CTNNA3: variants seen among roughly 807,000 people sequenced by gnomAD.
The protein encoded by CTNNA3 is catenin alpha-3.
In CTNNA3, 76 loss-of-function variants were observed where a neutral mutation model predicts 95.7. The observed-to-expected ratio is 0.79, with a 90% CI of 0.66 to 0.96. CTNNA3 has a LOEUF of 0.96. Ranked by LOEUF, CTNNA3 falls within the 40% of genes least tolerant of loss-of-function variation. The probability of loss-of-function intolerance (pLI) is 0.00; values close to 1 mark genes in which losing one functional copy is unlikely to be tolerated. For missense variants in CTNNA3, 1,191 were observed against 1,089.8 expected (o/e 1.09, Z -1.31); for synonymous variants, 431 against 374.4 (o/e 1.15, Z -1.74).
intron 9 of CTNNA3, among the ~76,000 whole-genome samples, chr10:66,654,748 TAC>T (rs1846019511): frequency 6.6e-6 from 1 of 152,120 alleles, no homozygotes; most frequent in South Asian, 2.1e-4. Context: ...ATATGGCATA[TAC>T]ACACAATAAA....
At position 66,251,829 on chromosome 10, in the gene CTNNA3, G is replaced by C. The variant is rs548342474; in HGVS notation, c.1884+28641C>G. ...TGCCAGGGTTCCAAGAGCTTAACTT[G>C]CATTGGAGCATTTAATCCTCAGTGG... On this transcript the variant is annotated intron_variant, in intron 13 of 17. Transcript: ENST00000433211. 4.6e-5 allele frequency among the ~76,000 whole-genome samples: 7 copies of C among 152,206 alleles called. No homozygotes were observed. The South Asian group carries it at 1.5e-3, about 32-fold the overall frequency.
At chr10:66,025,855 A>G (rs2133441641) in intron 15 of CTNNA3, among the ~76,000 whole-genome samples, 1 of 152,324 alleles carries the variant, frequency 6.6e-6, no homozygotes, top group East Asian at 1.9e-4. Flanking sequence ...GTGATAGATT[A>G]GTGAATTAGC....
chr10:66,260,262 A>G (rs757696216), intron 13 of CTNNA3, among the ~76,000 whole-genome samples: 61 of 152,274 alleles, frequency 4.0e-4, no homozygotes, highest in Middle Eastern at 6.8e-3. Context: ...GGCTCATTCA[A>G]ATTCCATGGA....
chr10:66,440,894 T>C (rs1248126340), intron 11 of CTNNA3, among the ~76,000 whole-genome samples: 2 of 152,212 alleles, frequency 1.3e-5, no homozygotes, highest in African/African-American at 2.4e-5. Flanking sequence ...TGTCTGTTTC[T>C]CTAAGTAGAT....
At chr10:66,264,148 A>G (rs2091087074) in intron 13 of CTNNA3, among the ~76,000 whole-genome samples, 1 of 152,032 alleles carries the variant, frequency 6.6e-6, no homozygotes, top group African/African-American at 2.4e-5. Context: ...CTGATATAAT[A>G]TAACTATGAA....
intron 3 of CTNNA3, among the ~76,000 whole-genome samples, chr10:67,575,755 T>C (rs1842121995): frequency 1.3e-5 from 2 of 152,208 alleles, no homozygotes; most frequent in African/African-American, 2.4e-5. Context: ...TTTTCATCTG[T>C]CAACACCCTT....
chr10:66,719,472 T>C (rs1385141344), intron 9 of CTNNA3, among the ~76,000 whole-genome samples: 2 of 152,170 alleles, frequency 1.3e-5, no homozygotes, highest in East Asian at 3.9e-4. Context: ...GCAAACAATT[T>C]TAGTATCAGC....
chr10:66,071,115 T>G (rs1166654430), intron 14 of CTNNA3, among the ~76,000 whole-genome samples: 3 of 152,176 alleles, frequency 2.0e-5, no homozygotes, highest in Non-Finnish European at 2.9e-5. Context: ...AAGAGAATAC[T>G]TGATGTTTGG....
intron 11 of CTNNA3, among the ~76,000 whole-genome samples, chr10:66,449,074 G>T (rs1564974899): frequency 6.6e-6 from 1 of 151,820 alleles, no homozygotes; most frequent in African/African-American, 2.4e-5. Flanking sequence ...ACACCCATTG[G>T]AGTAATTATA....
intron 4 of CTNNA3, among the ~76,000 whole-genome samples, chr10:67,523,048 A>G (rs1840032427): frequency 6.6e-6 from 1 of 152,152 alleles, no homozygotes; most frequent in Admixed American, 6.5e-5. Context: ...GACCCTTACT[A>G]TATCAAACTC....
chr10:67,653,912 A>G (rs1455238954), intron 1 of CTNNA3, among the ~76,000 whole-genome samples: 2 of 152,180 alleles, frequency 1.3e-5, no homozygotes, highest in Admixed American at 1.3e-4. Flanking sequence ...ACCCACTTCC[A>G]GTGCCTATGT....
intron 11 of CTNNA3, among the ~76,000 whole-genome samples, chr10:66,468,357 G>A (rs16923117): frequency 2.0e-5 from 3 of 151,910 alleles, no homozygotes; most frequent in Admixed American, 2.0e-4. Flanking sequence ...ATACAACAAG[G>A]CATCTTTTAA....
rs185294749 is a variant in CTNNA3 at position 67,750,170 on chromosome 10, C to T, written c.-2+13264G>A. The T allele has an allele frequency of 1.1e-4, 117 of 1,077,494 alleles. No individual in the cohort carries two copies. The Admixed American group carries it at 1.5e-3, about 14-fold the overall frequency. The allele number at this position is 1,077,494 out of a possible 1,614,324, so 66.7% of individuals were successfully genotyped here. On this transcript the variant is annotated intron_variant, in intron 1 of 17. Coordinates refer to the CTNNA3 transcript ENST00000684154. Reference sequence around the variant, plus strand: ...AGCTGTAACAGTTACCACGAAGGTCCGTGGCTTCATTCTTGAAGTCAGTGA... The same window carrying T: ...AGCTGTAACAGTTACCACGAAGGTCTGTGGCTTCATTCTTGAAGTCAGTGA...
Position 66,809,052 on chromosome 10 carries a change from A to G in CTNNA3, c.1048-33528T>C, listed in dbSNP as rs79095892. Among the ~76,000 whole-genome samples, 151 of 151,886 alleles carry G rather than the reference A, an allele frequency of 9.9e-4. 2 individuals carry two copies. In the East Asian group the frequency reaches 0.024, roughly 24 times the overall value. On this transcript the variant is annotated intron_variant, in intron 7 of 17. Transcript: ENST00000433211. ...CTCCACGACTATGTATTATATGAAG[A>G]CTCTCAGTGTCGTTATCATTTTCTT...
At chr10:66,119,577 T>C (rs60175241) in intron 13 of CTNNA3, among the ~76,000 whole-genome samples, 3,312 of 152,260 alleles carry the variant, frequency 0.022, 124 homozygotes, top group African/African-American at 0.076. Flanking sequence ...GGCTGTGTAA[T>C]TGTAAAGCTT....
At chr10:66,287,735 C>G (rs1366021885) in intron 12 of CTNNA3, among the ~76,000 whole-genome samples, 2 of 151,936 alleles carry the variant, frequency 1.3e-5, no homozygotes, top group African/African-American at 4.8e-5. Flanking sequence ...ATTCAATATC[C>G]AACCAATCCA....
At chr10:66,643,431 A>C (rs4471324) in intron 9 of CTNNA3, among the ~76,000 whole-genome samples, 102,366 of 151,992 alleles carry the variant, frequency 0.67, 35,539 homozygotes, top group East Asian at 0.95. Context: ...TATTTTAGAA[A>C]CTGAAATCTT....
intron 15 of CTNNA3, among the ~76,000 whole-genome samples, chr10:66,010,097 TA>T (rs1250939996): frequency 6.6e-6 from 1 of 151,966 alleles, no homozygotes; most frequent in Non-Finnish European, 1.5e-5. Flanking sequence ...TCATAATGGA[TA>T]ATCATTTTTG....
At chr10:66,062,111 A>T (rs981284182) in intron 15 of CTNNA3, among the ~76,000 whole-genome samples, 4 of 152,168 alleles carry the variant, frequency 2.6e-5, no homozygotes, top group Non-Finnish European at 5.9e-5. Flanking sequence ...AATGGAGGGT[A>T]TAATAATCAA....
Sources: allele counts gnomAD v4.1 joint callset (sites outside exome capture counted in the v4.1 genomes callset), GRCh38; gene constraint gnomAD v4.1.1; transcripts MANE v1.5; gene names NCBI Gene and HGNC (gene_info 2026-07-23, HGNC 2026-07-21).